COL23A1: variants seen among roughly 807,000 people sequenced by gnomAD.
The protein encoded by COL23A1 is collagen alpha-1(XXIII) chain.
In COL23A1, 97 loss-of-function variants were observed where a neutral mutation model predicts 99.3. The ratio of observed to expected loss-of-function variants is 0.98; its 90% CI spans 0.83 to 1.16. The LOEUF is 1.16. Ranked by LOEUF, COL23A1 falls within the 50% of genes most tolerant of loss-of-function variation. COL23A1 has a pLI of 0.00. For missense variants in COL23A1, 762 were observed against 757.4 expected (o/e 1.01, Z -0.07); for synonymous variants, 320 against 308.2 (o/e 1.04, Z -0.40).
At chr5:178,469,587 C>T (rs915837336) in intron 2 of COL23A1, among the ~76,000 whole-genome samples, 3 of 152,010 alleles carry the variant, frequency 2.0e-5, no homozygotes, top group Non-Finnish European at 4.4e-5. Flanking sequence ...TGAGCACTCT[C>T]GGGGGAGCTG....
chr5:178,323,784 G>A (rs1205629319), intron 2 of COL23A1, among the ~76,000 whole-genome samples: 2 of 152,180 alleles, frequency 1.3e-5, no homozygotes, highest in African/African-American at 4.8e-5. Context: ...CATGAGCCAT[G>A]CGCTGTGCTG....
chr5:178,407,356 G>A (rs575039336), intron 2 of COL23A1, among the ~76,000 whole-genome samples: 1 of 152,312 alleles, frequency 6.6e-6, no homozygotes, highest in South Asian at 2.1e-4. Context: ...GTGTCGGAGG[G>A]GGCCAGCTGA....
intron 5 of COL23A1, among the ~76,000 whole-genome samples, chr5:178,287,742 C>T (rs111366084): frequency 3.9e-5 from 6 of 152,354 alleles, no homozygotes; most frequent in South Asian, 2.1e-4. Flanking sequence ...CCAGGACCTC[C>T]GGATGCTGCT....
intron 2 of COL23A1, among the ~76,000 whole-genome samples, chr5:178,326,979 A>G (rs1025734709): frequency 4.6e-5 from 7 of 152,202 alleles, no homozygotes; most frequent in African/African-American, 1.7e-4. Context: ...TGGCCTCCCA[A>G]AGTGCCGGGA....
chr5:178,394,710 T>G (rs936727559), intron 2 of COL23A1, among the ~76,000 whole-genome samples: 1 of 152,144 alleles, frequency 6.6e-6, no homozygotes, highest in African/African-American at 2.4e-5. Flanking sequence ...CTGCTACACA[T>G]GGGGAAACTG....
rs1294258994 is a variant in COL23A1 at position 178,468,917 on chromosome 5, T to TC, written c.361+91764dup. Among the ~76,000 whole-genome samples, 1 of 151,726 alleles carries TC rather than the reference T, an allele frequency of 6.6e-6. No homozygotes were observed. The highest frequency in any genetic ancestry group is 2.4e-5 in the African/African-American group (1 of 41,302). On this transcript the variant is annotated intron_variant, in intron 2 of 28. Coordinates refer to ENST00000390654, the MANE Select transcript of COL23A1 (RefSeq NM_173465.4). This position sits in a 1 kb window ranked among gnomAD's most constrained non-coding sequence, Gnocchi z 4.2. ...CACCCATTAAACACCAACTCCCCAC[T>TC]CCCCCCAGCCTGTGGCACCCACCAT...
intron 2 of COL23A1, among the ~76,000 whole-genome samples, chr5:178,550,970 C>T (rs1454488449): frequency 2.6e-5 from 4 of 152,070 alleles, no homozygotes; most frequent in Admixed American, 6.5e-5. Context: ...TTCACAGAAT[C>T]TTCATCATCT....
chr5:178,418,417 G>A (rs181940020), intron 2 of COL23A1, among the ~76,000 whole-genome samples: 2 of 152,186 alleles, frequency 1.3e-5, no homozygotes, highest in Non-Finnish European at 2.9e-5. Flanking sequence ...AGCTTTCCTG[G>A]AGAGATCCTG....
At chr5:178,459,789 G>C (rs886497282) in intron 2 of COL23A1, among the ~76,000 whole-genome samples, 1 of 152,044 alleles carries the variant, frequency 6.6e-6, no homozygotes, top group African/African-American at 2.4e-5. Context: ...AGGGTTAGAA[G>C]ACATTTCAAA....
intron 2 of COL23A1, among the ~76,000 whole-genome samples, chr5:178,536,346 G>C (rs1760961961): frequency 6.6e-6 from 1 of 152,246 alleles, no homozygotes; most frequent in African/African-American, 2.4e-5. Flanking sequence ...GTGGGGCTTA[G>C]AGAGCCTCTC....
chr5:178,494,276 G>A (rs1014008196), intron 2 of COL23A1, among the ~76,000 whole-genome samples: 7 of 152,188 alleles, frequency 4.6e-5, no homozygotes, highest in African/African-American at 1.4e-4. Context: ...TTGGAGAGAC[G>A]ACCAAGCCAG....
At chr5:178,451,029 T>A (rs1767458315) in intron 2 of COL23A1, among the ~76,000 whole-genome samples, 1 of 152,238 alleles carries the variant, frequency 6.6e-6, no homozygotes, top group Admixed American at 6.5e-5. Context: ...ATTATAGGTC[T>A]CTATGTTATT....
chr5:178,413,226 G>C (rs554859388), intron 2 of COL23A1, among the ~76,000 whole-genome samples: 2 of 152,300 alleles, frequency 1.3e-5, no homozygotes, highest in African/African-American at 4.8e-5. Context: ...ACTGTCTTCT[G>C]ATGCTTAGAA....
At chr5:178,341,652 G>A (rs936424069) in intron 2 of COL23A1, among the ~76,000 whole-genome samples, 7 of 152,288 alleles carry the variant, frequency 4.6e-5, no homozygotes, top group South Asian at 4.1e-4. Flanking sequence ...GGTCTCAGGT[G>A]TGGCCTGCCC....
At position 178,484,089 on chromosome 5, in the gene COL23A1, C is replaced by T. The variant is rs1397981253; in HGVS notation, c.361+76593G>A. Among the ~76,000 whole-genome samples, 3 of 152,102 alleles carry T rather than the reference C, an allele frequency of 2.0e-5. No homozygotes were observed. The East Asian group carries it at 5.8e-4, about 29-fold the overall frequency. On this transcript the variant is annotated intron_variant, in intron 2 of 28. Transcript: ENST00000390654. The stretch of plus-strand genomic sequence containing the variant: ...TGGGATTATATGCCACCACATCTGC[C>T]TAATTTTTGTATTTTTAGTAGAGAT...
At chr5:178,358,620 T>C (rs941779483) in intron 2 of COL23A1, among the ~76,000 whole-genome samples, 1 of 148,912 alleles carries the variant, frequency 6.7e-6, no homozygotes, top group African/African-American at 2.5e-5. Flanking sequence ...CGTGTATGTA[T>C]GTGTGTATGT....
intron 2 of COL23A1, among the ~76,000 whole-genome samples, chr5:178,336,334 C>T (rs1561872980): frequency 1.3e-5 from 2 of 152,206 alleles, no homozygotes; most frequent in Admixed American, 1.3e-4. Context: ...CAGAAACAAC[C>T]CAGATGGCCA....
intron 2 of COL23A1, among the ~76,000 whole-genome samples, chr5:178,358,338 AAT>A (rs1254410459): frequency 1.4e-5 from 2 of 137,972 alleles, no homozygotes; most frequent in Non-Finnish European, 3.1e-5. Flanking sequence ...ATGTATGTCT[AAT>A]GTGTGTATTG....
intron 5 of COL23A1, among the ~76,000 whole-genome samples, chr5:178,273,821 G>A (rs754272541): frequency 6.6e-6 from 1 of 152,238 alleles, no homozygotes; most frequent in African/African-American, 2.4e-5. Context: ...CTCCGAGGTG[G>A]GCCGGGAAGG....
Sources: gnomAD v4.1 joint callset for allele counts (sites outside exome capture counted in the v4.1 genomes callset) on GRCh38, gnomAD v4.1.1 for gene constraint, Gnocchi (gnomAD v3.1) non-coding constraint, MANE v1.5 for transcripts, NCBI Gene and HGNC (gene_info 2026-07-23, HGNC 2026-07-21) for gene names.